A2ML1: variants seen among roughly 807,000 people sequenced by gnomAD.
A2ML1 encodes the protein alpha-2-macroglobulin-like protein 1.
Under a neutral mutation model 181.9 loss-of-function variants are expected in A2ML1, and 161 were observed. The ratio of observed to expected loss-of-function variants is 0.89; its 90% CI spans 0.78 to 1.01. The LOEUF (loss-of-function observed/expected upper bound fraction) is 1.01, where lower values mean the gene tolerates loss of function less well. A2ML1 is among the 50% of genes least tolerant of loss of function. The pLI is 0.00. For synonymous variants in A2ML1, 663 were observed against 666.8 expected, an observed-to-expected ratio of 0.99 and a Z score of 0.09; for missense variants, 1,670 against 1,768.1, an observed-to-expected ratio of 0.94 and a Z score of 1.00.
intron 18 of A2ML1, among the ~76,000 whole-genome samples, chr12:8,851,543 C>T (rs1275228116): frequency 1.3e-5 from 2 of 152,040 alleles, no homozygotes; most frequent in South Asian, 4.2e-4. Flanking sequence ...GTAGCTGGGA[C>T]TATAGGCATG....
At chr12:8,877,229 C>T (rs2137006264), downstream of A2ML1, among the ~76,000 whole-genome samples, 1 of 152,260 alleles carries the variant, frequency 6.6e-6, no homozygotes, top group East Asian at 1.9e-4. Flanking sequence ...GCAATTACAC[C>T]CTTTTATCCT....
At chr12:8,876,887 A>G (rs1348162930), downstream of A2ML1, 1 of 152,204 alleles carries the variant, frequency 6.6e-6, no homozygotes, top group Non-Finnish European at 1.5e-5. Context: ...TCTTCCTTAA[A>G]CCTTTTAACC....
Position 8,845,126 on chromosome 12 carries a change from A to G in A2ML1, c.1477-316A>G, listed in dbSNP as rs1239579844. The G allele has an allele frequency of 2.0e-6, 3 of 1,477,082 alleles. No individual in the cohort carries two copies. The African/African-American group carries it at 4.2e-5, about 21-fold the overall frequency. The allele number at this position is 1,477,082 out of a possible 1,614,324, so 91.5% of individuals were successfully genotyped here. ...CTGACTTTCTGTTACAAAGATTATA[A>G]GAAAATAAAATTTGGAGATCTTCAA... On this transcript the variant is annotated intron_variant, in intron 12 of 35. Coordinates refer to ENST00000299698, the MANE Select transcript of A2ML1 (RefSeq NM_144670.6).
At chr12:8,853,183 G>A (rs186466685) in intron 20 of A2ML1, among the ~76,000 whole-genome samples, 10 of 151,978 alleles carry the variant, frequency 6.6e-5, no homozygotes, top group South Asian at 2.1e-4. Context: ...GCAGAGAAGC[G>A]GTCTTGCTCT....
chr12:8,843,388 A>T, intron 12 of A2ML1, 27 bp downstream of exon 12: 2 of 1,604,740 alleles, frequency 1.2e-6, no homozygotes, highest in Non-Finnish European at 1.7e-6. Flanking sequence ...GGGACGGGTG[A>T]GAGTATGCTG....
chr12:8,823,418 C>T lies in A2ML1; in HGVS notation c.246+53C>T, dbSNP rs1942813447. Reference sequence around the variant, plus strand: ...ATCCCTTACTTGCCTATTCTCCTCCCTAGGCTCACTATAATCTACTTTAAG... The same window carrying T: ...ATCCCTTACTTGCCTATTCTCCTCCTTAGGCTCACTATAATCTACTTTAAG... On this transcript the variant is annotated intron_variant, in intron 2 of 35. Transcript: ENST00000299698. The T allele has an allele frequency of 2.6e-6, 4 of 1,512,066 alleles. No individual in the cohort carries two copies. In the Admixed American group the frequency reaches 5.8e-5, roughly 22 times the overall value. 93.7% of individuals were successfully genotyped at this position (1,512,066 alleles called of 1,614,324 possible). A position where few individuals can be genotyped will look rare whatever the true frequency, so the allele number is the denominator to read the frequency against.
intron 4 of A2ML1, among the ~76,000 whole-genome samples, chr12:8,832,698 T>C (rs1269047877): frequency 6.6e-6 from 1 of 152,154 alleles, no homozygotes; most frequent in African/African-American, 2.4e-5. Context: ...AGGCTGTCGA[T>C]TGTTCTGGCT....
Position 8,850,019 on chromosome 12 carries a change from T to C in A2ML1, c.2120-141T>C, listed in dbSNP as rs1943833752. ...ATGGCCTTTGTGACTAGTTAGTTCC[T>C]CTTTGGTCCTTCCTCCTTGCCTCTG... On this transcript the variant is annotated intron_variant, in intron 17 of 35. Transcript: ENST00000299698. 5.4e-6 allele frequency: 4 copies of C among 734,048 alleles called. No individual in the cohort carries two copies. The South Asian group carries it at 5.5e-5, about 10-fold the overall frequency. The allele number at this position is 734,048 out of a possible 1,614,324, so 45.5% of individuals were successfully genotyped here. A position where few individuals can be genotyped will look rare whatever the true frequency, so the allele number is the denominator to read the frequency against.
intron 4 of A2ML1, chr12:8,830,782 G>C (rs925232978): frequency 6.6e-6 from 1 of 152,130 alleles, no homozygotes; most frequent in Admixed American, 6.6e-5. Context: ...TGTTCTCAGA[G>C]CTGCTGTTTC....
intron 32 of A2ML1, 76 bp downstream of exon 32, chr12:8,868,703 G>T: frequency 2.5e-6 from 3 of 1,220,054 alleles, no homozygotes; most frequent in Non-Finnish European, 3.5e-6. Flanking sequence ...CTGGTAAAAT[G>T]GGCATCATGG....
chr12:8,835,291 A>G (rs1435703692), intron 5 of A2ML1, among the ~76,000 whole-genome samples: 2 of 152,186 alleles, frequency 1.3e-5, no homozygotes, highest in Non-Finnish European at 2.9e-5. Context: ...AAGATTTCCT[A>G]CCAAATGGGG....
At chr12:8,823,482 ATTTT>A (rs1383751915) in intron 2 of A2ML1, 117 bp downstream of exon 2, 1 of 1,262,114 alleles carries the variant, frequency 7.9e-7, no homozygotes, top group African/African-American at 1.5e-5. Flanking sequence ...CTCTAAACCT[ATTTT>A]TTCTCAACTT....
At chr12:8,858,679 G>T (rs764985538) in intron 26 of A2ML1, among the ~76,000 whole-genome samples, 6 of 152,136 alleles carry the variant, frequency 3.9e-5, no homozygotes, top group Non-Finnish European at 8.8e-5. Flanking sequence ...TGTTGGAAAC[G>T]CAGATTCTGA....
rs1164146272 is a variant in A2ML1 at position 8,847,210 on chromosome 12, A to G, written c.1684-339A>G. On this transcript the variant is annotated intron_variant, in intron 14 of 35. Coordinates refer to ENST00000299698, the MANE Select transcript of A2ML1 (RefSeq NM_144670.6). Reference sequence around the variant, plus strand: ...GTCATCCACCTGCCTTGGCCTCCCAATGTGCTGGGATTACAGGCATGACCC... The same window carrying G: ...GTCATCCACCTGCCTTGGCCTCCCAGTGTGCTGGGATTACAGGCATGACCC... 5.3e-5 allele frequency among the ~76,000 whole-genome samples: 7 copies of G among 130,890 alleles called. No homozygotes were observed. The East Asian group carries it at 1.4e-3, about 26-fold the overall frequency. The allele number at this position is 130,890 out of a possible 152,430, so 85.9% of individuals were successfully genotyped here.
At chr12:8,831,086 ACCAC>A (rs1943097103) in intron 4 of A2ML1, 1 of 151,906 alleles carries the variant, frequency 6.6e-6, no homozygotes, top group Non-Finnish European at 1.5e-5. Context: ...AGTAGCTGGG[ACCAC>A]AGGTGTGCAC....
chr12:8,882,571 C>T (rs139651310), intron 7 of A2ML1, among the ~76,000 whole-genome samples: 2 of 152,218 alleles, frequency 1.3e-5, no homozygotes, highest in African/African-American at 4.8e-5. Context: ...ATTCCTCCAC[C>T]CCTATGTCTA....
chr12:8,824,979 C>T (rs1177001912), intron 3 of A2ML1, among the ~76,000 whole-genome samples: 1 of 151,984 alleles, frequency 6.6e-6, no homozygotes, highest in African/African-American at 2.4e-5. Flanking sequence ...TTTTTTAATC[C>T]ATTTTTTATC....
Position 8,852,233 on chromosome 12 carries a change from G to A in A2ML1, c.2487G>A (p.Ser829=), listed in dbSNP as rs747051668. 48 of 1,613,900 alleles carry A rather than the reference G, an allele frequency of 3.0e-5. No homozygotes were observed. The highest frequency in any genetic ancestry group is 1.3e-4 in the East Asian group (6 of 44,882). Residue 829 remains serine (S), a synonymous_variant, in exon 20 of 36, where the codon TCG becomes TCA. Transcript: ENST00000299698. The surrounding 1 kb of genome is among the most constrained non-coding windows in gnomAD (Gnocchi z 4.2). ...CIRVQTDLAK[S]HEYQLESWAD... is the part of the protein sequence containing the mutation. Reference sequence around the variant, plus strand: ...AGGTTCAGACTGACCTGGCTAAATCGCATGAGTACCAGCTAGAATCATGGG... The same window carrying A: ...AGGTTCAGACTGACCTGGCTAAATCACATGAGTACCAGCTAGAATCATGGG...
chr12:8,873,816 G>A (rs1388219936), intron 33 of A2ML1, among the ~76,000 whole-genome samples: 1 of 152,004 alleles, frequency 6.6e-6, no homozygotes, highest in Non-Finnish European at 1.5e-5. Flanking sequence ...CTGTTTCTCT[G>A]GCCACTTTGA....
Sources: allele counts gnomAD v4.1 joint callset (sites outside exome capture counted in the v4.1 genomes callset), GRCh38; gene constraint gnomAD v4.1.1; non-coding constraint Gnocchi (gnomAD v3.1); transcripts MANE v1.5; gene names NCBI Gene and HGNC (gene_info 2026-07-23, HGNC 2026-07-21).